Variants in ABTB3 observed in about 807,000 individuals in gnomAD.
ABTB3 encodes ankyrin repeat- and BTB/POZ domain-containing protein 3.
At chr12:107,458,379 T>G in the ABTB3 span, among the ~76,000 whole-genome samples, 1 of 152,134 alleles carries the variant, frequency 6.6e-6, no homozygotes, top group Non-Finnish European at 1.5e-5. Flanking sequence ...TCAGGACCAA[T>G]GCCAAGGTCC....
chr12:107,362,618 C>T, the ABTB3 span, among the ~76,000 whole-genome samples: 1 of 152,082 alleles, frequency 6.6e-6, no homozygotes, highest in African/African-American at 2.4e-5. Context: ...CATAGTGAGA[C>T]CCAGTCTTTA....
chr12:107,625,870 G>A, the ABTB3 span, among the ~76,000 whole-genome samples: 2 of 152,312 alleles, frequency 1.3e-5, no homozygotes, highest in South Asian at 2.1e-4. Context: ...GTTGCAGCCT[G>A]GCAAGAGTAG....
At chr12:107,459,846 C>G in the ABTB3 span, among the ~76,000 whole-genome samples, 38 of 152,340 alleles carry the variant, frequency 2.5e-4, no homozygotes, top group South Asian at 3.1e-3. Flanking sequence ...CGTGGCCCGG[C>G]CCTCCAGAGT....
the ABTB3 span, among the ~76,000 whole-genome samples, chr12:107,593,873 C>T: frequency 3.3e-5 from 5 of 152,182 alleles, no homozygotes; most frequent in Non-Finnish European, 5.9e-5. Flanking sequence ...AAGGGCAGGG[C>T]ATGCCACCGG....
chr12:107,414,716 C>CTTTTTTTTT, the ABTB3 span, among the ~76,000 whole-genome samples: 2 of 144,726 alleles, frequency 1.4e-5, no homozygotes, highest in Admixed American at 7.0e-5. Flanking sequence ...CTTTTCTTTT[C>CTTTTTTTTT]TTTTTCTTTT....
At chr12:107,647,136 C>G in the ABTB3 span, among the ~76,000 whole-genome samples, 1 of 152,116 alleles carries the variant, frequency 6.6e-6, no homozygotes, top group African/African-American at 2.4e-5. Flanking sequence ...TCAAGACCAG[C>G]CTGGGCAACA....
the ABTB3 span, among the ~76,000 whole-genome samples, chr12:107,514,809 A>G: frequency 6.6e-6 from 1 of 152,174 alleles, no homozygotes. Context: ...TTCTTTGAAT[A>G]ATTATATTTC....
the ABTB3 span, among the ~76,000 whole-genome samples, chr12:107,442,157 G>A: frequency 6.6e-5 from 10 of 152,260 alleles, no homozygotes; most frequent in Admixed American, 4.6e-4. Flanking sequence ...CTGCATTTCC[G>A]GGGCCTAGCA....
chr12:107,601,284 G>A, the ABTB3 span, among the ~76,000 whole-genome samples: 1 of 152,196 alleles, frequency 6.6e-6, no homozygotes, highest in Non-Finnish European at 1.5e-5. Context: ...GCCTCTGTGA[G>A]GGCAAAGGCT....
the ABTB3 span, chr12:107,620,003 C>T: frequency 6.2e-7 from 1 of 1,613,282 alleles, no homozygotes; most frequent in Non-Finnish European, 8.5e-7. Context: ...GTGGACTCTG[C>T]ACACGTGGCT....
chr12:107,408,099 C>A, the ABTB3 span, among the ~76,000 whole-genome samples: 1 of 151,990 alleles, frequency 6.6e-6, no homozygotes, highest in South Asian at 2.1e-4. Flanking sequence ...GTATTGTATT[C>A]TCTACAATAA....
At chr12:107,356,964 A>G in the ABTB3 span, among the ~76,000 whole-genome samples, 15 of 152,362 alleles carry the variant, frequency 9.8e-5, no homozygotes, top group South Asian at 3.1e-3. Context: ...TTTAAAAAGG[A>G]AAAAGAAAAT....
chr12:107,609,236 A>G, the ABTB3 span, among the ~76,000 whole-genome samples: 1 of 152,158 alleles, frequency 6.6e-6, no homozygotes, highest in Non-Finnish European at 1.5e-5. Context: ...TGACATGTTT[A>G]CTTTGTGTTT....
the ABTB3 span, among the ~76,000 whole-genome samples, chr12:107,546,976 T>A: frequency 3.4e-4 from 52 of 151,718 alleles, no homozygotes; most frequent in Non-Finnish European, 6.0e-4. Flanking sequence ...GGTGGATGAC[T>A]TGAGCTCAGG....
the ABTB3 span, among the ~76,000 whole-genome samples, chr12:107,644,894 T>C: frequency 6.6e-6 from 1 of 151,110 alleles, no homozygotes; most frequent in South Asian, 2.1e-4. Context: ...GCTCCATCCA[T>C]GTTGCCACCA....
At chr12:107,634,641 G>C in the ABTB3 span, among the ~76,000 whole-genome samples, 1 of 152,302 alleles carries the variant, frequency 6.6e-6, no homozygotes. Flanking sequence ...AGTGGGAAGA[G>C]GTCAACGTGA....
the ABTB3 span, among the ~76,000 whole-genome samples, chr12:107,491,913 TTGTC>T: frequency 6.6e-6 from 1 of 151,936 alleles, no homozygotes; most frequent in South Asian, 2.1e-4. Context: ...AAGGGAGTGA[TTGTC>T]TGGGACTTTT....
the ABTB3 span, among the ~76,000 whole-genome samples, chr12:107,549,003 T>C: frequency 6.6e-6 from 1 of 152,216 alleles, no homozygotes; most frequent in Non-Finnish European, 1.5e-5. Context: ...ATTAAGTAGT[T>C]CTGCCCTCTT....
At chr12:107,601,746 T>C in the ABTB3 span, among the ~76,000 whole-genome samples, 1 of 152,206 alleles carries the variant, frequency 6.6e-6, no homozygotes, top group African/African-American at 2.4e-5. Context: ...TTTAAAATAA[T>C]AGTGCCTTCA....
Sources: gnomAD v4.1 joint callset for allele counts (sites outside exome capture counted in the v4.1 genomes callset) on GRCh38, gnomAD v4.1.1 for gene constraint, MANE v1.5 for transcripts, NCBI Gene and HGNC (gene_info 2026-07-23, HGNC 2026-07-21) for gene names.